Variants in KLHL26 observed in about 807,000 individuals in gnomAD.
KLHL26 encodes kelch like family member 26.
A neutral mutation model predicts 7.1 loss-of-function variants in KLHL26; 4 were observed. That is an observed-to-expected ratio of 0.56 (90% CI 0.28 to 1.28). The LOEUF (loss-of-function observed/expected upper bound fraction) is 1.28. KLHL26 is among the 50% of genes most tolerant of loss of function. KLHL26 has a pLI of 0.11. For synonymous variants in KLHL26, 465 were observed against 414.1 expected, an observed-to-expected ratio of 1.12 and a Z score of -1.49; for missense variants, 896 against 924.6, an observed-to-expected ratio of 0.97 and a Z score of 0.40.
In KLHL26 at chr19:18,670,585, T is replaced by A. The variant is rs2052517816; in HGVS notation, c.*1340T>A. ...TGTCCTCCGCGTGTCTGGGGGCTCCTCTCCCCCGCCTCAACCTTTTCCAGC... is the reference window on the plus strand; with the variant it reads ...TGTCCTCCGCGTGTCTGGGGGCTCCACTCCCCCGCCTCAACCTTTTCCAGC... On this transcript the variant is annotated 3_prime_UTR_variant, in exon 3 of 3. Coordinates refer to ENST00000300976, the MANE Select transcript of KLHL26 (RefSeq NM_018316.3). 1 of 152,208 alleles carries A rather than the reference T, an allele frequency of 6.6e-6. No individual in the cohort carries two copies. Among genetic ancestry groups the A allele is most frequent in the Non-Finnish European group, 1.5e-5 (1 of 68,068 alleles). The allele number at this position is 152,208 out of a possible 1,614,324, so 9.4% of individuals were successfully genotyped here. A position where few individuals can be genotyped will look rare whatever the true frequency, so the allele number is the denominator to read the frequency against.
chr19:18,660,808 A>G (rs2052384852), intron 1 of KLHL26, among the ~76,000 whole-genome samples: 1 of 152,200 alleles, frequency 6.6e-6, no homozygotes, highest in Non-Finnish European at 1.5e-5. Flanking sequence ...CAGTTGTCCC[A>G]TCCCTAAGAT....
intron 1 of KLHL26, among the ~76,000 whole-genome samples, chr19:18,643,471 TG>T (rs935455283): frequency 4.0e-5 from 6 of 151,738 alleles, no homozygotes; most frequent in Non-Finnish European, 8.8e-5. Flanking sequence ...TTTATAGAGA[TG>T]GGGTCTTATT....
intron 2 of KLHL26, among the ~76,000 whole-genome samples, chr19:18,665,067 T>TC (rs1244346469): frequency 1.3e-5 from 2 of 151,384 alleles, no homozygotes; most frequent in African/African-American, 2.4e-5. Context: ...TTTGTTTTTT[T>TC]TTTTTTTGAG....
chr19:18,667,754 C>A lies in KLHL26; in HGVS notation c.357C>A (p.Asp119Glu), dbSNP rs781518378. ...CCCGTGGCCTGCGGCACATCATCGACTTCGCCTACAGCGCCGAGGTGACAC... is the reference window on the plus strand; with the variant it reads ...CCCGTGGCCTGCGGCACATCATCGAATTCGCCTACAGCGCCGAGGTGACAC... ...VSARGLRHII[D>E]FAYSAEVTLD... The change falls in exon 3 of 3, where the codon GAC becomes GAA. Residue 119 changes from aspartate to glutamate, a missense_variant. Asp to Glu is a conservative substitution (Grantham distance 45). Transcript: ENST00000300976. 6.2e-7 allele frequency: 1 copy of A among 1,613,306 alleles called. No individual in the cohort carries two copies. Among genetic ancestry groups the A allele is most frequent in the East Asian group, 2.2e-5 (1 of 44,878 alleles).
At chr19:18,661,871 G>T (rs1297071936) in intron 1 of KLHL26, among the ~76,000 whole-genome samples, 1 of 151,656 alleles carries the variant, frequency 6.6e-6, no homozygotes, top group East Asian at 1.9e-4. Context: ...TGCTTTCCTG[G>T]GAACCATTAG....
intron 1 of KLHL26, among the ~76,000 whole-genome samples, chr19:18,663,327 G>T (rs950761161): frequency 7.2e-5 from 11 of 152,282 alleles, no homozygotes; most frequent in African/African-American, 2.6e-4. Flanking sequence ...TCTCTGGAAG[G>T]GTGGTCTGAA....
rs767132433 is a variant in KLHL26, at chr19:18,667,645, TTG to T, written c.267-15_267-14del. 3 of 1,598,508 alleles carry T rather than the reference TTG, an allele frequency of 1.9e-6. No homozygotes were observed. The highest frequency in any genetic ancestry group is 2.3e-5 in the South Asian group (2 of 88,842). On this transcript the variant is annotated splice_polypyrimidine_tract_variant and intron_variant, in intron 2 of 2. Transcript: ENST00000300976. ...CCCCTCAGCCACTGCCAGCCACACG[TTG>T]TGTTTCTGCCCTTCAGGGCCATGTT...
intron 1 of KLHL26, among the ~76,000 whole-genome samples, chr19:18,642,062 G>A (rs1411980121): frequency 2.0e-5 from 3 of 152,224 alleles, no homozygotes; most frequent in Non-Finnish European, 4.4e-5. Context: ...GCAAGATGGA[G>A]CATGCAGAAA....
At chr19:18,663,272 C>T (rs2052410075) in intron 1 of KLHL26, among the ~76,000 whole-genome samples, 1 of 152,192 alleles carries the variant, frequency 6.6e-6, no homozygotes, top group African/African-American at 2.4e-5. Flanking sequence ...CCCTGAAGCC[C>T]CTCTCCCCGG....
intron 1 of KLHL26, among the ~76,000 whole-genome samples, chr19:18,654,990 G>A (rs1249695806): frequency 6.6e-6 from 1 of 152,232 alleles, no homozygotes; most frequent in Admixed American, 6.5e-5. Context: ...CGGCTTCCAT[G>A]GGGTTCCCCT....
chr19:18,642,338 A>AGTGTGTGTGTGTGTGTGT lies in KLHL26; in HGVS notation c.83+5228_83+5245dup, dbSNP rs1204260630. ...CCCAGGACACTTTTGCTAGTCACCT[A>AGTGTGTGTGTGTGTGTGT]GTGTGTGTGTGTGTGTGTGTGTGTG... On this transcript the variant is annotated intron_variant, in intron 1 of 2. Transcript: ENST00000300976. Among the ~76,000 whole-genome samples the AGTGTGTGTGTGTGTGTGT allele has an allele frequency of 1.8e-3, 228 of 123,874 alleles. 2 individuals are homozygous for AGTGTGTGTGTGTGTGTGT. Among genetic ancestry groups the AGTGTGTGTGTGTGTGTGT allele is most frequent in the East Asian group, 0.012 (47 of 4,008 alleles). The allele number at this position is 123,874 out of a possible 152,430, so 81.3% of individuals were successfully genotyped here.
At chr19:18,654,244 A>G (rs1271071019) in intron 1 of KLHL26, among the ~76,000 whole-genome samples, 1 of 123,610 alleles carries the variant, frequency 8.1e-6, no homozygotes, top group Non-Finnish European at 1.6e-5. Context: ...CCACTCATCC[A>G]TTAACTCATC....
chr19:18,668,136 G>C lies in KLHL26; in HGVS notation c.739G>C (p.Val247Leu). 6.2e-7 allele frequency: 1 copy of C among 1,605,032 alleles called. No individual in the cohort carries two copies. The highest frequency in any genetic ancestry group is 8.5e-7 in the Non-Finnish European group (1 of 1,178,792). ...DPARRPRASH[V>L]LCHIRFPLMQ... is the part of the protein sequence containing the mutation. Reference sequence around the variant, plus strand: ...GGCCCGGCGGCCGCGCGCCAGCCACGTGCTCTGCCACATTCGCTTCCCGCT... The same window carrying C: ...GGCCCGGCGGCCGCGCGCCAGCCACCTGCTCTGCCACATTCGCTTCCCGCT... The change falls in exon 3 of 3, where the codon GTG (valine) becomes CTG (leucine). Residue 247 changes from valine (V) to leucine (L), a missense_variant. Coordinates refer to ENST00000300976, the MANE Select transcript of KLHL26 (RefSeq NM_018316.3).
chr19:18,652,953 G>A (rs2052276101), intron 1 of KLHL26, among the ~76,000 whole-genome samples: 1 of 152,162 alleles, frequency 6.6e-6, no homozygotes, highest in Admixed American at 6.5e-5. Flanking sequence ...GCTCATCCAA[G>A]GCCACACAGT....
In KLHL26 at chr19:18,669,140, C is replaced by T. The variant is rs369728060; in HGVS notation, c.1743C>T (p.Tyr581=). 2.5e-6 allele frequency: 4 copies of T among 1,612,898 alleles called. No individual in the cohort carries two copies. In the African/African-American group the frequency reaches 5.3e-5, roughly 21 times the overall value. Residue 581 remains tyrosine, a synonymous_variant, in exon 3 of 3, where the codon TAC becomes TAT. Transcript: ENST00000300976. ...ACGTCACGGGCATCGTACAGGTGTA[C>T]AACACGGACACCGACGAGTGGGAGC... ...LNNVTGIVQV[Y]NTDTDEWERD... is the part of the protein sequence containing the mutation.
chr19:18,656,125 G>C lies in KLHL26; in HGVS notation c.84-8136G>C, dbSNP rs2052330158. Among the ~76,000 whole-genome samples the C allele has an allele frequency of 6.6e-6, 1 of 152,324 alleles. No homozygotes were observed. The highest frequency in any genetic ancestry group is 2.1e-4 in the South Asian group (1 of 4,828). ...CCTGTTTTCTGGAAGGTTTGAGCAA[G>C]GCTCAGGAAAGGGGAGGCCACGCAG... On this transcript the variant is annotated intron_variant, in intron 1 of 2. Coordinates refer to ENST00000300976, the MANE Select transcript of KLHL26 (RefSeq NM_018316.3). The surrounding 1 kb of genome is among the most constrained non-coding windows in gnomAD (Gnocchi z 4.4).
At chr19:18,664,046 C>T (rs1039347588) in intron 1 of KLHL26, among the ~76,000 whole-genome samples, 24 of 152,136 alleles carry the variant, frequency 1.6e-4, no homozygotes, top group African/African-American at 5.8e-4. Flanking sequence ...GACCCCACCC[C>T]ATCAGCAGTC....
intron 1 of KLHL26, among the ~76,000 whole-genome samples, chr19:18,644,198 A>T (rs1802970499): frequency 6.6e-6 from 1 of 152,154 alleles, no homozygotes; most frequent in African/African-American, 2.4e-5. Flanking sequence ...ACTCAGCATG[A>T]TGCTTTGGGG....
intron 1 of KLHL26, among the ~76,000 whole-genome samples, chr19:18,657,495 TGTCTCTGTCTCTGG>T (rs1289341218): frequency 4.6e-5 from 7 of 151,526 alleles, no homozygotes; most frequent in Non-Finnish European, 7.4e-5. Flanking sequence ...CCTGTCTCTG[TGTCTCTGTCTCTGG>T]GTCTCTGTCT....
Sources: gnomAD v4.1 joint callset for allele counts (sites outside exome capture counted in the v4.1 genomes callset) on GRCh38, gnomAD v4.1.1 for gene constraint, Gnocchi (gnomAD v3.1) non-coding constraint, MANE v1.5 for transcripts, NCBI Gene and HGNC (gene_info 2026-07-23, HGNC 2026-07-21) for gene names.